The following CREB5 variants were observed in gnomAD, a reference collection of about 807,000 sequenced individuals.
CREB5 encodes the protein cAMP responsive element binding protein 5.
A neutral mutation model predicts 57.1 loss-of-function variants in CREB5; 19 were observed. The ratio of observed to expected loss-of-function variants is 0.33; its 90% CI spans 0.23 to 0.49. CREB5 has a LOEUF of 0.49. Among genes scored for constraint, CREB5 ranks in the 20% least tolerant of loss-of-function variants. CREB5 has a pLI of 0.99. For synonymous variants in CREB5, 238 were observed against 238.3 expected (o/e 1.00, Z 0.01); for missense variants, 579 against 671.6 (o/e 0.86, Z 1.52).
At chr7:28,437,181 A>G (rs1788997174) in intron 1 of CREB5, among the ~76,000 whole-genome samples, 1 of 152,192 alleles carries the variant, frequency 6.6e-6, no homozygotes, top group African/African-American at 2.4e-5. Context: ...ATGTTGAGAA[A>G]ATAGATAAGC....
intron 2 of CREB5, among the ~76,000 whole-genome samples, chr7:28,491,486 A>C (rs150312517): frequency 6.6e-6 from 1 of 152,296 alleles, no homozygotes; most frequent in East Asian, 1.9e-4. Flanking sequence ...TTCCTTGAGA[A>C]GGCTGAATGG....
At chr7:28,443,271 C>T (rs1014350471) in intron 1 of CREB5, among the ~76,000 whole-genome samples, 4 of 152,294 alleles carry the variant, frequency 2.6e-5, no homozygotes, top group Non-Finnish European at 5.9e-5. Flanking sequence ...GCTGAACATG[C>T]AGGGAGTTTA....
chr7:28,439,699 C>T (rs1394404864), intron 1 of CREB5, among the ~76,000 whole-genome samples: 2 of 152,154 alleles, frequency 1.3e-5, no homozygotes, highest in South Asian at 2.1e-4. Flanking sequence ...TGCCTATCTC[C>T]TAAGATGGCA....
intron 5 of CREB5, among the ~76,000 whole-genome samples, chr7:28,632,982 T>C (rs1637446): frequency 0.66 from 99,580 of 151,776 alleles, 33,458 homozygotes; most frequent in African/African-American, 0.8. Flanking sequence ...GAAAGATGAA[T>C]GTTTGAATAG....
At chr7:28,681,151 A>T (rs1800572453) in intron 5 of CREB5, among the ~76,000 whole-genome samples, 1 of 152,146 alleles carries the variant, frequency 6.6e-6, no homozygotes, top group Non-Finnish European at 1.5e-5. Flanking sequence ...TAGTGTAGGG[A>T]TGGAGAAGGC....
intron 5 of CREB5, among the ~76,000 whole-genome samples, chr7:28,665,271 C>T (rs545537815): frequency 1.5e-4 from 23 of 152,142 alleles, no homozygotes; most frequent in South Asian, 1.0e-3. Context: ...ATGTTGCCTG[C>T]GTCTCCTACA....
intron 7 of CREB5, among the ~76,000 whole-genome samples, chr7:28,800,698 C>G (rs1808313519): frequency 6.6e-6 from 1 of 152,178 alleles, no homozygotes. Flanking sequence ...CTCTCCCTTC[C>G]ACTAAATTTC....
chr7:28,393,280 C>T (rs764879016), intron 1 of CREB5, among the ~76,000 whole-genome samples: 1 of 152,152 alleles, frequency 6.6e-6, no homozygotes, highest in Non-Finnish European at 1.5e-5. Context: ...GAGTCTGACT[C>T]GTCTCTCAAA....
intron 5 of CREB5, among the ~76,000 whole-genome samples, chr7:28,684,487 T>G (rs1257624307): frequency 1.3e-5 from 2 of 152,228 alleles, no homozygotes; most frequent in Non-Finnish European, 2.9e-5. Flanking sequence ...TTTTTAACTC[T>G]TCACCCTGAG....
At chr7:28,309,139 A>G (rs972431261) in intron 1 of CREB5, among the ~76,000 whole-genome samples, 1 of 152,096 alleles carries the variant, frequency 6.6e-6, no homozygotes, top group African/African-American at 2.4e-5. Context: ...CTGGGTCTCT[A>G]GTCTGCCAGT....
At position 28,819,110 on chromosome 7, in the gene CREB5, C is replaced by T. The variant is rs374177145; in HGVS notation, c.1364-6C>T. 23 of 1,606,616 alleles carry T rather than the reference C, an allele frequency of 1.4e-5. No individual in the cohort carries two copies. The highest frequency in any genetic ancestry group is 1.7e-5 in the Non-Finnish European group (20 of 1,177,398). On this transcript the variant is annotated splice_region_variant and splice_polypyrimidine_tract_variant and intron_variant, in intron 10 of 10. Coordinates refer to ENST00000357727, the MANE Select transcript of CREB5 (RefSeq NM_182898.4). Reference sequence around the variant, plus strand: ...GTGTGTGTGTTGTCTTTTTTTTTCTCCCTAGGTCCAGAGAGTAGCCCTCCT... The same window carrying T: ...GTGTGTGTGTTGTCTTTTTTTTTCTTCCTAGGTCCAGAGAGTAGCCCTCCT...
intron 1 of CREB5, among the ~76,000 whole-genome samples, chr7:28,394,914 C>T (rs1438695389): frequency 6.6e-6 from 1 of 152,134 alleles, no homozygotes; most frequent in Non-Finnish European, 1.5e-5. Flanking sequence ...ACACCTTTTG[C>T]TTTTAGAACT....
At chr7:28,682,683 G>T (rs79442493) in intron 5 of CREB5, among the ~76,000 whole-genome samples, 119 of 104,550 alleles carry the variant, frequency 1.1e-3, no homozygotes, top group Non-Finnish European at 1.5e-3. Flanking sequence ...ACCTAAAAGT[G>T]GGGGGGGGGG....
In CREB5 at chr7:28,435,004, C is replaced by T. The variant is rs146199473; in HGVS notation, c.3+22087C>T. Among the ~76,000 whole-genome samples, 280 of 151,868 alleles carry T rather than the reference C, an allele frequency of 1.8e-3. 1 individual carries two copies. The highest frequency in any genetic ancestry group is 2.6e-3 in the Non-Finnish European group (179 of 67,994). On this transcript the variant is annotated intron_variant, in intron 1 of 10. Transcript: ENST00000357727. The stretch of plus-strand genomic sequence containing the variant: ...CTTATTTTTCTAATTAGATCATACG[C>T]ACCTTAAGAGTAGGGACTATGTGTT...
intron 4 of CREB5, among the ~76,000 whole-genome samples, chr7:28,560,987 T>TGTGTGCGCGTGC (rs1795231729): frequency 9.3e-5 from 6 of 64,490 alleles, no homozygotes; most frequent in Admixed American, 3.6e-4. Context: ...TGTGCGTGCG[T>TGTGTGCGCGTGC]GTGTGTGCCT....
chr7:28,682,692 GGGA>G lies in CREB5; in HGVS notation c.465-36060_465-36058del, dbSNP rs199695431. Among the ~76,000 whole-genome samples the G allele has an allele frequency of 8.9e-4, 132 of 148,496 alleles. 3 individuals carry two copies. Among genetic ancestry groups the G allele is most frequent in the African/African-American group, 1.7e-3 (69 of 40,230 alleles). On this transcript the variant is annotated intron_variant, in intron 5 of 10. Coordinates refer to ENST00000357727, the MANE Select transcript of CREB5 (RefSeq NM_182898.4). ...ATTCAAACCTAAAAGTGGGGGGGGG[GGGA>G]AACCCCAGCTCTCTCTAGGAAGGAT... is the stretch of plus-strand genomic sequence containing the variant.
intron 9 of CREB5, among the ~76,000 whole-genome samples, chr7:28,815,763 C>T (rs1468690220): frequency 2.0e-5 from 3 of 152,140 alleles, no homozygotes; most frequent in African/African-American, 7.2e-5. Context: ...CTAAATTCAA[C>T]CTCTCCAAGA....
At chr7:28,538,106 T>G (rs1794044961) in intron 4 of CREB5, among the ~76,000 whole-genome samples, 2 of 152,174 alleles carry the variant, frequency 1.3e-5, no homozygotes, top group East Asian at 3.8e-4. Flanking sequence ...CAGGCTGGAG[T>G]GCAGTGGCGC....
chr7:28,508,403 G>T (rs932447871), intron 4 of CREB5, among the ~76,000 whole-genome samples: 2 of 152,156 alleles, frequency 1.3e-5, no homozygotes, highest in African/African-American at 4.8e-5. Context: ...TTTGTTCATT[G>T]TTATTATACA....
Sources: allele counts gnomAD v4.1 joint callset (sites outside exome capture counted in the v4.1 genomes callset), GRCh38; gene constraint gnomAD v4.1.1; transcripts MANE v1.5; gene names NCBI Gene and HGNC (gene_info 2026-07-23, HGNC 2026-07-21).